TTC36: variants seen among roughly 807,000 people sequenced by gnomAD.
TTC36 encodes tetratricopeptide repeat protein 36.
A neutral mutation model predicts 17.5 loss-of-function variants in TTC36; 15 were observed. The observed-to-expected ratio is 0.86, with a 90% CI of 0.57 to 1.32. The LOEUF is 1.32. Ranked by LOEUF, TTC36 falls within the 40% of genes most tolerant of loss-of-function variation. The probability of loss-of-function intolerance (pLI) is 0.00; values close to 1 mark genes in which losing one functional copy is unlikely to be tolerated. For missense variants in TTC36, 292 were observed against 260.9 expected (o/e 1.12, Z -0.82); for synonymous variants, 112 against 109.8 (o/e 1.02, Z -0.13).
intron 1 of TTC36, chr11:118,528,164 A>T (rs1745708726): frequency 8.4e-6 from 3 of 358,466 alleles, no homozygotes; most frequent in Non-Finnish European, 1.6e-5. Context: ...CGAAACACAG[A>T]GGGATACGTC....
At position 118,528,635 on chromosome 11, in the gene TTC36, T is replaced by C. The variant is rs1951131950; in HGVS notation, c.151T>C (p.Ser51Pro). Reference sequence around the variant, plus strand: ...TTTCCCTCAAGCACAGCTGGAACAGTCCAAGGCCCTGGAGCTGCAGGGGGT... The same window carrying C: ...TTTCCCTCAAGCACAGCTGGAACAGCCCAAGGCCCTGGAGCTGCAGGGGGT... ...EVFPQAQLEQ[S>P]KALELQGVMA... Residue 51 changes from serine (S) to proline (P), a missense_variant, in exon 2 of 3, where the codon TCC becomes CCC. Transcript: ENST00000302783. 5.6e-6 allele frequency: 9 copies of C among 1,608,598 alleles called. No homozygotes were observed. The East Asian group carries it at 1.8e-4, about 32-fold the overall frequency.
chr11:118,527,538 A>G lies in TTC36; in HGVS notation c.44A>G (p.Asn15Ser). The G allele has an allele frequency of 6.2e-7, 1 of 1,614,170 alleles. No homozygotes were observed. The change falls in exon 1 of 3, where the codon AAC (asparagine) becomes AGC (serine). Residue 15 changes from asparagine (N) to serine (S), a missense_variant. Physicochemically the swap from Asn to Ser is conservative, Grantham distance 46. Coordinates refer to ENST00000302783, the MANE Select transcript of TTC36 (RefSeq NM_001080441.4). ...NDQAVLQAIF[N>S]PDTPFGDIVG... The stretch of plus-strand genomic sequence containing the variant: ...CAGGCAGTGCTGCAGGCCATCTTCA[A>G]CCCTGACACCCCATTTGGAGACATT...
At position 118,527,547 on chromosome 11, in the gene TTC36, C is replaced by T; in HGVS notation, c.53C>T (p.Thr18Ile). 6.2e-7 allele frequency: 1 copy of T among 1,614,176 alleles called. No individual in the cohort carries two copies. ...CTGCAGGCCATCTTCAACCCTGACACCCCATTTGGAGACATTGTTGGATTG... is the reference window on the plus strand; with the variant it reads ...CTGCAGGCCATCTTCAACCCTGACATCCCATTTGGAGACATTGTTGGATTG... ...AVLQAIFNPDTPFGDIVGLDL... is the reference protein window; with the variant it reads ...AVLQAIFNPDIPFGDIVGLDL... The change falls in exon 1 of 3, where the codon ACC becomes ATC. Residue 18 changes from threonine (T) to isoleucine (I), a missense_variant. Thr to Ile is a moderately conservative substitution (Grantham distance 89). Coordinates refer to ENST00000302783, the MANE Select transcript of TTC36 (RefSeq NM_001080441.4).
In TTC36 at chr11:118,530,630, C is replaced by T. The variant is rs1010721417; in HGVS notation, c.308-24C>T. The T allele has an allele frequency of 1.4e-6, 2 of 1,410,394 alleles. No individual in the cohort carries two copies. Among genetic ancestry groups the T allele is most frequent in the South Asian group, 1.5e-5 (1 of 65,768 alleles). The allele number at this position is 1,410,394 out of a possible 1,614,324, so 87.4% of individuals were successfully genotyped here. A position where few individuals can be genotyped will look rare whatever the true frequency, so the allele number is the denominator to read the frequency against. ...GCCCTGGCCTCCGCTGACCCCCGCC[C>T]CGCCCGTCTCGTCGGTCCCGCAGGC... On this transcript the variant is annotated intron_variant, in intron 2 of 2. Coordinates refer to ENST00000302783, the MANE Select transcript of TTC36 (RefSeq NM_001080441.4). The surrounding 1 kb of genome is among the most constrained non-coding windows in gnomAD (Gnocchi z 5.8).
rs199561425 is a variant in TTC36, at chr11:118,527,649, G to T, written c.118+37G>T. ...ATCTGGAGTGTAGCTCTGCACATAG[G>T]CTGGCCTGCTGGCCTCCCGAGGTAG... On this transcript the variant is annotated intron_variant, in intron 1 of 2. Coordinates refer to ENST00000302783, the MANE Select transcript of TTC36 (RefSeq NM_001080441.4). The T allele has an allele frequency of 4.5e-5, 65 of 1,450,978 alleles. 2 individuals are homozygous for T. The Middle Eastern group carries it at 8.4e-3, about 187-fold the overall frequency. The allele number at this position is 1,450,978 out of a possible 1,614,324, so 89.9% of individuals were successfully genotyped here.
chr11:118,529,284 C>T (rs572447366), intron 2 of TTC36, among the ~76,000 whole-genome samples: 1 of 152,170 alleles, frequency 6.6e-6, no homozygotes, highest in Admixed American at 6.5e-5. Context: ...TGGTAGGGCT[C>T]GAGTGTGTGC....
Position 118,528,646 on chromosome 11 carries a change from G to C in TTC36, c.162G>C (p.Leu54=), listed in dbSNP as rs782813626. ...CACAGCTGGAACAGTCCAAGGCCCT[G>C]GAGCTGCAGGGGGTGATGGCAGCAG... The part of the protein sequence containing the change: ...PQAQLEQSKA[L]ELQGVMAAEA... Residue 54 remains leucine (L), a synonymous_variant, in exon 2 of 3, where the codon CTG becomes CTC. Coordinates refer to ENST00000302783, the MANE Select transcript of TTC36 (RefSeq NM_001080441.4). 4 of 1,609,900 alleles carry C rather than the reference G, an allele frequency of 2.5e-6. 1 individual carries two copies. In the South Asian group the frequency reaches 4.5e-5, roughly 18 times the overall value.
At chr11:118,528,190 G>C (rs1951121589) in intron 1 of TTC36, 1 of 345,194 alleles carries the variant, frequency 2.9e-6, no homozygotes. Context: ...TGATGTTCAT[G>C]ATCTGGGAAT....
In TTC36 at chr11:118,530,622, C is replaced by A. The variant is rs1951198178; in HGVS notation, c.308-32C>A. 2 of 1,401,468 alleles carry A rather than the reference C, an allele frequency of 1.4e-6. No homozygotes were observed. The highest frequency in any genetic ancestry group is 1.8e-6 in the Non-Finnish European group (2 of 1,089,208). The allele number at this position is 1,401,468 out of a possible 1,614,324, so 86.8% of individuals were successfully genotyped here. A position where few individuals can be genotyped will look rare whatever the true frequency, so the allele number is the denominator to read the frequency against. On this transcript the variant is annotated intron_variant, in intron 2 of 2. Transcript: ENST00000302783. This position sits in a 1 kb window ranked among gnomAD's most constrained non-coding sequence, Gnocchi z 5.8. Reference sequence around the variant, plus strand: ...GCAAGGCCGCCCTGGCCTCCGCTGACCCCCGCCCCGCCCGTCTCGTCGGTC... The same window carrying A: ...GCAAGGCCGCCCTGGCCTCCGCTGAACCCCGCCCCGCCCGTCTCGTCGGTC...
At chr11:118,529,398 G>A (rs1342316888) in intron 2 of TTC36, among the ~76,000 whole-genome samples, 2 of 152,172 alleles carry the variant, frequency 1.3e-5, no homozygotes, top group Non-Finnish European at 2.9e-5. Flanking sequence ...AGGGGTCAGC[G>A]TGGGACCTGT....
intron 2 of TTC36, among the ~76,000 whole-genome samples, chr11:118,529,124 A>T (rs782633458): frequency 5.9e-5 from 9 of 152,206 alleles, no homozygotes; most frequent in Non-Finnish European, 1.2e-4. Context: ...TTTACATACA[A>T]ACTAGTAAAT....
intron 1 of TTC36, among the ~76,000 whole-genome samples, 162 bp from the exon 2 acceptor site, chr11:118,528,441 G>A (rs959387771): frequency 6.6e-6 from 1 of 152,122 alleles, no homozygotes; most frequent in Non-Finnish European, 1.5e-5. Flanking sequence ...CCCAGCCTTA[G>A]TGACCTCATC....
Position 118,527,624 on chromosome 11 carries a change from A to G in TTC36, c.118+12A>G, listed in dbSNP as rs1461434507. 1 of 1,600,928 alleles carries G rather than the reference A, an allele frequency of 6.2e-7. No individual in the cohort carries two copies. The stretch of plus-strand genomic sequence containing the variant: ...AGAACGAGAAGAAGGTGGGCATTTG[A>G]TCTGGAGTGTAGCTCTGCACATAGG... On this transcript the variant is annotated intron_variant, in intron 1 of 2. Transcript: ENST00000302783.
At position 118,527,582 on chromosome 11, in the gene TTC36, G is replaced by A. The variant is rs782197084; in HGVS notation, c.88G>A (p.Glu30Lys). 5.3e-5 allele frequency: 85 copies of A among 1,614,074 alleles called. No homozygotes were observed. Among genetic ancestry groups the A allele is most frequent in the Admixed American group, 6.7e-5 (4 of 60,004 alleles). ...FGDIVGLDLG[E>K]EAEKEEREED... Reference sequence around the variant, plus strand: ...AGACATTGTTGGATTGGACCTCGGAGAGGAAGCAGAAAAGGAAGAACGAGA... The same window carrying A: ...AGACATTGTTGGATTGGACCTCGGAAAGGAAGCAGAAAAGGAAGAACGAGA... Residue 30 changes from glutamate to lysine, a missense_variant, in exon 1 of 3, where the codon GAG becomes AAG. Physicochemically the swap from Glu to Lys is moderately conservative, Grantham distance 56. Transcript: ENST00000302783.
Position 118,530,446 on chromosome 11 carries a change from C to A in TTC36, c.308-208C>A. ...CCAGCTCTGCCACTAAGTGGCTTGG[C>A]TGTAGAGCTTAACTCTTCCACAGTC... On this transcript the variant is annotated intron_variant, in intron 2 of 2. Transcript: ENST00000302783. The surrounding 1 kb of genome is among the most constrained non-coding windows in gnomAD (Gnocchi z 5.8). 1 of 530,878 alleles carries A rather than the reference C, an allele frequency of 1.9e-6. No individual in the cohort carries two copies. Among genetic ancestry groups the A allele is most frequent in the Non-Finnish European group, 3.0e-6 (1 of 332,190 alleles). 32.9% of individuals were successfully genotyped at this position (530,878 alleles called of 1,614,324 possible). A position where few individuals can be genotyped will look rare whatever the true frequency, so the allele number is the denominator to read the frequency against.
In TTC36 at chr11:118,530,951, C is replaced by G. The variant is rs1251465206; in HGVS notation, c.*35C>G. ...ACCCGGGCGTCCGCGGGCGAGGGGA[C>G]GGGACTGGGCCCTGAACCAATAAAG... On this transcript the variant is annotated 3_prime_UTR_variant, in exon 3 of 3. Transcript: ENST00000302783. This position sits in a 1 kb window ranked among gnomAD's most constrained non-coding sequence, Gnocchi z 5.8. 6.8e-7 allele frequency: 1 copy of G among 1,468,288 alleles called. No homozygotes were observed. Among genetic ancestry groups the G allele is most frequent in the East Asian group, 2.8e-5 (1 of 35,668 alleles). The allele number at this position is 1,468,288 out of a possible 1,614,324, so 91.0% of individuals were successfully genotyped here.
Position 118,530,699 on chromosome 11 carries a change from G to C in TTC36, c.353G>C (p.Arg118Pro), listed in dbSNP as rs915971323. ...CGCGCGGTGGAGCTGAGCGGCGGCC[G>C]GGGCCGCGCCGCCCGCCAGAGCTTT... ...LERAVELSGG[R>P]GRAARQSFVQ... The change falls in exon 3 of 3, where the codon CGG (arginine) becomes CCG (proline). Residue 118 changes from arginine (R) to proline (P), a missense_variant. Transcript: ENST00000302783. This position sits in a 1 kb window ranked among gnomAD's most constrained non-coding sequence, Gnocchi z 5.8. 70 of 1,477,308 alleles carry C rather than the reference G, an allele frequency of 4.7e-5. No individual in the cohort carries two copies. The highest frequency in any genetic ancestry group is 1.2e-4 in the Admixed American group (5 of 41,590). The allele number at this position is 1,477,308 out of a possible 1,614,324, so 91.5% of individuals were successfully genotyped here. A position where few individuals can be genotyped will look rare whatever the true frequency, so the allele number is the denominator to read the frequency against.
rs1555056994 is a variant in TTC36 at position 118,530,109 on chromosome 11, G to A, written c.308-545G>A. On this transcript the variant is annotated intron_variant, in intron 2 of 2. Transcript: ENST00000302783. This position sits in a 1 kb window ranked among gnomAD's most constrained non-coding sequence, Gnocchi z 5.8. ...ATCAGTCCAGGATACAGGGGAGAGA[G>A]AAGGTGTTCTAAAGAAAGCAATGGA... Among the ~76,000 whole-genome samples, 1 of 152,218 alleles carries A rather than the reference G, an allele frequency of 6.6e-6. No homozygotes were observed.
chr11:118,528,882 C>A, intron 2 of TTC36, 91 bp downstream of exon 2: 1 of 1,238,748 alleles, frequency 8.1e-7, no homozygotes, highest in Non-Finnish European at 1.1e-6. Flanking sequence ...GGTGGCCTTG[C>A]TAAACCCCTG....
Sources: gnomAD v4.1 joint callset for allele counts (sites outside exome capture counted in the v4.1 genomes callset) on GRCh38, gnomAD v4.1.1 for gene constraint, Gnocchi (gnomAD v3.1) non-coding constraint, MANE v1.5 for transcripts, NCBI Gene and HGNC (gene_info 2026-07-23, HGNC 2026-07-21) for gene names.